The following TACC2 variants were observed in gnomAD, a reference collection of about 807,000 sequenced individuals.
The protein encoded by TACC2 is transforming acidic coiled-coil-containing protein 2.
TACC2 carries 137 observed loss-of-function variants against 227.3 expected under a neutral mutation model. That is an observed-to-expected ratio of 0.60 (90% CI 0.52 to 0.69). The LOEUF (loss-of-function observed/expected upper bound fraction) is 0.69. TACC2 is among the 30% of genes least tolerant of loss of function. The probability of loss-of-function intolerance (pLI) is 0.00; values close to 1 mark genes in which losing one functional copy is unlikely to be tolerated. For synonymous variants in TACC2, 1,523 were observed against 1,487.5 expected (o/e 1.02, Z -0.55); for missense variants, 3,470 against 3,694.4 (o/e 0.94, Z 1.57).
chr10:122,196,867 C>G (rs55917853), intron 8 of TACC2, among the ~76,000 whole-genome samples: 3 of 130,962 alleles, frequency 2.3e-5, no homozygotes, highest in African/African-American at 8.6e-5. Flanking sequence ...ACCCAGGAGG[C>G]GGAGTTTGCA....
chr10:122,123,313 G>C (rs1422960016), intron 5 of TACC2, among the ~76,000 whole-genome samples: 1 of 152,136 alleles, frequency 6.6e-6, no homozygotes, highest in Non-Finnish European at 1.5e-5. Context: ...CCTGGTCTTA[G>C]AAATCTTGTT....
intron 5 of TACC2, among the ~76,000 whole-genome samples, chr10:122,110,699 T>A (rs1438712524): frequency 1.3e-5 from 2 of 152,212 alleles, no homozygotes; most frequent in African/African-American, 2.4e-5. Context: ...ATCCTAGCTA[T>A]CTTCTTAAAA....
At chr10:122,107,005 G>A (rs917352747) in intron 5 of TACC2, among the ~76,000 whole-genome samples, 1 of 152,228 alleles carries the variant, frequency 6.6e-6, no homozygotes. Flanking sequence ...ATGGTCAGGA[G>A]CCATGCTGTC....
At position 122,241,513 on chromosome 10, in the gene TACC2, A is replaced by G. The variant is rs1037631515; in HGVS notation, c.8349-445A>G. On this transcript the variant is annotated intron_variant, in intron 18 of 22. Transcript: ENST00000369005. ...ACCATGTTGCCCAGGCTGGTCTCGAACTCTTGGACTCAGGCAAACCTTCTG... is the reference window on the plus strand; with the variant it reads ...ACCATGTTGCCCAGGCTGGTCTCGAGCTCTTGGACTCAGGCAAACCTTCTG... 3.0e-5 allele frequency: 5 copies of G among 167,676 alleles called. 1 individual carries two copies. Among genetic ancestry groups the G allele is most frequent in the Admixed American group, 2.8e-4 (5 of 17,600 alleles). 10.4% of individuals were successfully genotyped at this position (167,676 alleles called of 1,614,324 possible).
At chr10:122,148,278 A>G (rs2091647211) in intron 7 of TACC2, among the ~76,000 whole-genome samples, 1 of 151,832 alleles carries the variant, frequency 6.6e-6, no homozygotes, top group African/African-American at 2.4e-5. Context: ...TAATTTTTGT[A>G]TTTTTAGTAG....
intron 5 of TACC2, chr10:122,088,848 C>G: frequency 8.4e-7 from 1 of 1,187,714 alleles, no homozygotes; most frequent in Non-Finnish European, 1.2e-6. Flanking sequence ...AGTCTGGGTG[C>G]GGTGGCTCAT....
At chr10:122,060,993 T>G (rs1283186715) in intron 3 of TACC2, among the ~76,000 whole-genome samples, 1 of 55,290 alleles carries the variant, frequency 1.8e-5, no homozygotes, top group Non-Finnish European at 3.2e-5. Flanking sequence ...CAACAGAGAC[T>G]CCATCTCAAA....
chr10:122,153,177 G>A (rs940755647), intron 7 of TACC2, among the ~76,000 whole-genome samples: 4 of 152,012 alleles, frequency 2.6e-5, no homozygotes, highest in African/African-American at 9.7e-5. Flanking sequence ...TGTATTTTTA[G>A]TAAAGACAGA....
chr10:122,054,838 T>C (rs1345391525), intron 3 of TACC2, among the ~76,000 whole-genome samples: 1 of 152,090 alleles, frequency 6.6e-6, no homozygotes, highest in Non-Finnish European at 1.5e-5. Context: ...AACAAGGCTT[T>C]GTGAGGGGCT....
rs527547523 is a variant in TACC2 at position 122,056,336 on chromosome 10, G to A, written c.146+5786G>A. Among the ~76,000 whole-genome samples, 22 of 152,180 alleles carry A rather than the reference G, an allele frequency of 1.4e-4. No individual in the cohort carries two copies. In the South Asian group the frequency reaches 3.1e-3, roughly 22 times the overall value. On this transcript the variant is annotated intron_variant, in intron 3 of 22. Coordinates refer to ENST00000369005, the MANE Select transcript of TACC2 (RefSeq NM_206862.4). ...ATTACAGGTGCCTGCCACCATGCCC[G>A]GCTAATTTTTGTATTTTTAGTAGAG...
intron 7 of TACC2, among the ~76,000 whole-genome samples, chr10:122,167,155 C>G (rs1323996351): frequency 1.3e-5 from 2 of 152,232 alleles, no homozygotes; most frequent in Non-Finnish European, 1.5e-5. Context: ...AGCGGTGGTT[C>G]TGTTGGCAAA....
intron 7 of TACC2, among the ~76,000 whole-genome samples, chr10:122,177,670 G>A (rs925910621): frequency 5.3e-5 from 8 of 152,152 alleles, no homozygotes; most frequent in African/African-American, 1.9e-4. Flanking sequence ...AGGAGATAAG[G>A]CCCAAGCCTC....
intron 7 of TACC2, among the ~76,000 whole-genome samples, chr10:122,156,424 C>A (rs935652285): frequency 2.0e-5 from 3 of 151,764 alleles, no homozygotes; most frequent in Non-Finnish European, 4.4e-5. Flanking sequence ...CGAGGTTTCA[C>A]CGTGTTAGCC....
chr10:122,134,813 G>A (rs774480339), intron 6 of TACC2, among the ~76,000 whole-genome samples: 63 of 152,220 alleles, frequency 4.1e-4, no homozygotes, highest in Non-Finnish European at 8.2e-4. Context: ...GGAGAGGATG[G>A]CGCTGGACTT....
rs563531569 is a variant in TACC2 at position 122,127,645 on chromosome 10, A to T, written c.5574-4964A>T. ...ATATTTCAGTCACTCTAGTCCCAGA[A>T]CCACCACCAGCAGAACTTAGAAGCC... On this transcript the variant is annotated intron_variant, in intron 5 of 22. Transcript: ENST00000369005. Among the ~76,000 whole-genome samples, 14 of 152,218 alleles carry T rather than the reference A, an allele frequency of 9.2e-5. No individual in the cohort carries two copies. In the East Asian group the frequency reaches 2.7e-3, roughly 29 times the overall value.
In TACC2 at chr10:122,074,072, A is replaced by G. The variant is rs973398937; in HGVS notation, c.147-8575A>G. 9.6e-5 allele frequency among the ~76,000 whole-genome samples: 12 copies of G among 124,748 alleles called. No homozygotes were observed. In the Admixed American group the frequency reaches 1.1e-3, roughly 11 times the overall value. The allele number at this position is 124,748 out of a possible 152,430, so 81.8% of individuals were successfully genotyped here. ...TGGGATTACAGGCGTAAGTCACAGCACCCGGCATCTTTTTTTTTTTTTTTT... is the reference window on the plus strand; with the variant it reads ...TGGGATTACAGGCGTAAGTCACAGCGCCCGGCATCTTTTTTTTTTTTTTTT... On this transcript the variant is annotated intron_variant, in intron 3 of 22. Transcript: ENST00000369005.
intron 5 of TACC2, among the ~76,000 whole-genome samples, chr10:122,102,852 C>A (rs1373296843): frequency 6.6e-6 from 1 of 152,138 alleles, no homozygotes. Context: ...TGCAGAGCTG[C>A]CCCCACACAT....
chr10:122,110,331 G>C (rs2083443849), intron 5 of TACC2, among the ~76,000 whole-genome samples: 1 of 152,182 alleles, frequency 6.6e-6, no homozygotes, highest in African/African-American at 2.4e-5. Context: ...CCCTGACTTG[G>C]AGCAGGAGGG....
At chr10:122,217,727 A>G (rs1316419920) in intron 11 of TACC2, among the ~76,000 whole-genome samples, 1 of 151,772 alleles carries the variant, frequency 6.6e-6, no homozygotes, top group African/African-American at 2.4e-5. Context: ...GGTGTGAGCT[A>G]CCCCATGCTT....
Sources: gnomAD v4.1 joint callset for allele counts (sites outside exome capture counted in the v4.1 genomes callset) on GRCh38, gnomAD v4.1.1 for gene constraint, MANE v1.5 for transcripts, NCBI Gene and HGNC (gene_info 2026-07-23, HGNC 2026-07-21) for gene names.